FBLN5: variants seen among roughly 807,000 people sequenced by gnomAD.
The protein encoded by FBLN5 is fibulin-5.
Under a neutral mutation model 61.6 loss-of-function variants are expected in FBLN5, and 24 were observed. The ratio of observed to expected loss-of-function variants is 0.39; its 90% CI spans 0.28 to 0.55. The LOEUF is 0.55. Among genes scored for constraint, FBLN5 ranks in the 20% least tolerant of loss-of-function variants. FBLN5 has a pLI of 0.65. For missense variants in FBLN5, 470 were observed against 594.1 expected, an observed-to-expected ratio of 0.79 and a Z score of 2.17; for synonymous variants, 213 against 219.8, an observed-to-expected ratio of 0.97 and a Z score of 0.27.
At chr14:91,891,795 ATTC>A (rs1890008871) in intron 5 of FBLN5, among the ~76,000 whole-genome samples, 1 of 152,324 alleles carries the variant, frequency 6.6e-6, no homozygotes, top group East Asian at 1.9e-4. Flanking sequence ...ACTGCCCAGG[ATTC>A]TTCTTAACAC....
At chr14:91,914,258 A>C (rs1891084134) in intron 4 of FBLN5, among the ~76,000 whole-genome samples, 1 of 152,116 alleles carries the variant, frequency 6.6e-6, no homozygotes, top group Non-Finnish European at 1.5e-5. Context: ...CAGGCAGATC[A>C]CGAGGTCAGG....
At chr14:91,870,974 G>GA (rs1888896370) in intron 10 of FBLN5, among the ~76,000 whole-genome samples, 1 of 152,126 alleles carries the variant, frequency 6.6e-6, no homozygotes, top group Non-Finnish European at 1.5e-5. Context: ...TGGACACAAA[G>GA]AAGGGAAAAA....
intron 4 of FBLN5, among the ~76,000 whole-genome samples, chr14:91,902,284 T>TG (rs1890491075): frequency 7.2e-6 from 1 of 139,610 alleles, no homozygotes; most frequent in African/African-American, 2.6e-5. Context: ...TTTGTTTGTT[T>TG]TTTTTTTTTT....
chr14:91,901,268 T>C (rs1329895096), intron 4 of FBLN5, among the ~76,000 whole-genome samples: 1 of 152,188 alleles, frequency 6.6e-6, no homozygotes, highest in African/African-American at 2.4e-5. Flanking sequence ...TAACGTCGGC[T>C]GAATATCTCA....
intron 1 of FBLN5, chr14:91,946,920 TG>T: frequency 6.9e-7 from 1 of 1,458,584 alleles, no homozygotes; most frequent in Non-Finnish European, 9.0e-7. Context: ...ACGACAAAGT[TG>T]CTGCCCTTTC....
intron 3 of FBLN5, chr14:91,939,891 G>C (rs766260468): frequency 2.2e-6 from 1 of 448,538 alleles, no homozygotes; most frequent in African/African-American, 2.0e-5. Flanking sequence ...GGGTGGGCCC[G>C]ATATATTCAC....
intron 4 of FBLN5, among the ~76,000 whole-genome samples, chr14:91,931,831 G>T (rs530941853): frequency 6.6e-6 from 1 of 152,262 alleles, no homozygotes; most frequent in South Asian, 2.1e-4. Flanking sequence ...GGTCTTAGAG[G>T]CAGCGTGCCA....
chr14:91,924,309 C>A lies in FBLN5; in HGVS notation c.379+12638G>T, dbSNP rs538785019. 4.6e-5 allele frequency among the ~76,000 whole-genome samples: 7 copies of A among 152,322 alleles called. 1 individual carries two copies. The highest frequency in any genetic ancestry group is 1.7e-4 in the African/African-American group (7 of 41,568). ...ACTGTACCTAATATATAATCCATTTCTCTTTCTCATTTGAATCCCACATAT... is the reference window on the plus strand; with the variant it reads ...ACTGTACCTAATATATAATCCATTTATCTTTCTCATTTGAATCCCACATAT... On this transcript the variant is annotated intron_variant, in intron 4 of 10. Transcript: ENST00000342058.
At chr14:91,922,313 AGT>A (rs2055750726) in intron 4 of FBLN5, among the ~76,000 whole-genome samples, 1 of 132,178 alleles carries the variant, frequency 7.6e-6, no homozygotes, top group Non-Finnish European at 1.6e-5. Flanking sequence ...ATAATAATAA[AGT>A]AAATAAATAA....
chr14:91,877,702 G>T lies in FBLN5; in HGVS notation c.990-20C>A, dbSNP rs752916237. 26 of 1,605,170 alleles carry T rather than the reference G, an allele frequency of 1.6e-5. No individual in the cohort carries two copies. Among genetic ancestry groups the T allele is most frequent in the African/African-American group, 4.0e-5 (3 of 74,734 alleles). On this transcript the variant is annotated intron_variant, in intron 9 of 10. Transcript: ENST00000342058. ...CAGCGGCTGTGGAAAGGGAAATCAC[G>T]TGAGAACTCAAGAAATCCATTCCAG...
At chr14:91,871,120 TA>T (rs1044392677) in intron 10 of FBLN5, among the ~76,000 whole-genome samples, 4 of 151,202 alleles carry the variant, frequency 2.6e-5, no homozygotes. Flanking sequence ...GTAATTTATC[TA>T]TACAACCAAC....
At chr14:91,875,641 C>G (rs1230366745) in intron 10 of FBLN5, among the ~76,000 whole-genome samples, 1 of 152,176 alleles carries the variant, frequency 6.6e-6, no homozygotes, top group Non-Finnish European at 1.5e-5. Context: ...AGGAGCCTCA[C>G]TCTTCCAGCC....
intron 4 of FBLN5, among the ~76,000 whole-genome samples, chr14:91,898,379 T>C (rs1300570600): frequency 6.6e-6 from 1 of 151,990 alleles, no homozygotes; most frequent in Non-Finnish European, 1.5e-5. Flanking sequence ...ACAAGCCCAT[T>C]TGGGTGTGTG....
intron 4 of FBLN5, among the ~76,000 whole-genome samples, chr14:91,917,707 T>C (rs1473142474): frequency 6.6e-6 from 1 of 151,980 alleles, no homozygotes; most frequent in Admixed American, 6.6e-5. Flanking sequence ...TGATGACTAA[T>C]ACACTGAATT....
chr14:91,877,501 C>A lies in FBLN5; in HGVS notation c.1171G>T (p.Glu391Ter), dbSNP rs80338767. ...FQIKSGNEGR[E>*]FYMRQTGPIS... ...CTCCCTCTTACCCGCATGTAAAATT[C>A]TCTGCCCTCATTCCCAGATTTGATC... The change falls in exon 10 of 11, where the codon GAA becomes TAA. Residue 391 changes from glutamate to a stop codon, truncating the protein, a stop_gained. Transcript: ENST00000342058. LOFTEE classifies it high-confidence loss of function. 2 of 1,613,982 alleles carry A rather than the reference C, an allele frequency of 1.2e-6. No homozygotes were observed. Among genetic ancestry groups the A allele is most frequent in the Non-Finnish European group, 1.7e-6 (2 of 1,179,890 alleles).
At chr14:91,907,535 C>G (rs567990239) in intron 4 of FBLN5, among the ~76,000 whole-genome samples, 209 of 152,196 alleles carry the variant, frequency 1.4e-3, no homozygotes, top group Middle Eastern at 0.01. Context: ...ACTGTACAGT[C>G]AGAGAGCCGG....
chr14:91,943,250 T>G lies in FBLN5; in HGVS notation c.18-289A>C, dbSNP rs896139177. Among the ~76,000 whole-genome samples, 2 of 152,096 alleles carry G rather than the reference T, an allele frequency of 1.3e-5. No homozygotes were observed. The highest frequency in any genetic ancestry group is 4.8e-5 in the African/African-American group (2 of 41,414). ...AAGGTCAGGTGCGGTGGCTTACGCTTGTAATCCCAGCACTTTGAGAGGCTG... is the reference window on the plus strand; with the variant it reads ...AAGGTCAGGTGCGGTGGCTTACGCTGGTAATCCCAGCACTTTGAGAGGCTG... On this transcript the variant is annotated intron_variant, in intron 1 of 10. Coordinates refer to ENST00000342058, the MANE Select transcript of FBLN5 (RefSeq NM_006329.4). The surrounding 1 kb of genome is among the most constrained non-coding windows in gnomAD (Gnocchi z 4.0).
At chr14:91,922,538 C>T (rs1406557508) in intron 4 of FBLN5, among the ~76,000 whole-genome samples, 1 of 152,072 alleles carries the variant, frequency 6.6e-6, no homozygotes, top group African/African-American at 2.4e-5. Context: ...GAAGTGGAGA[C>T]CACAACAGAC....
intron 9 of FBLN5, 56 bp downstream of exon 9, chr14:91,881,236 C>G: frequency 1.9e-6 from 3 of 1,609,626 alleles, no homozygotes; most frequent in Non-Finnish European, 2.5e-6. Flanking sequence ...CACCTCCAAC[C>G]TCCTGAGCCA....
Sources: gnomAD v4.1 joint callset for allele counts (sites outside exome capture counted in the v4.1 genomes callset) on GRCh38, gnomAD v4.1.1 for gene constraint, Gnocchi (gnomAD v3.1) non-coding constraint, MANE v1.5 for transcripts, NCBI Gene and HGNC (gene_info 2026-07-23, HGNC 2026-07-21) for gene names.